Variants in LRP1B observed in about 807,000 individuals in gnomAD.
LRP1B encodes low-density lipoprotein receptor-related protein 1B.
In LRP1B, 217 loss-of-function variants were observed where a neutral mutation model predicts 556.6. The ratio of observed to expected loss-of-function variants is 0.39; its 90% CI spans 0.35 to 0.44. The LOEUF is 0.44. LRP1B is among the 20% of genes least tolerant of loss of function. LRP1B has a pLI of 1.00. For missense variants in LRP1B, 5,053 were observed against 5,620.8 expected (o/e 0.90, Z 3.23); for synonymous variants, 2,047 against 1,865.8 (o/e 1.10, Z -2.50).
intron 3 of LRP1B, among the ~76,000 whole-genome samples, chr2:141,395,149 G>C (rs11887739): frequency 4.4e-4 from 67 of 152,158 alleles, no homozygotes; most frequent in Admixed American, 1.6e-3. Context: ...TGTAGTGTAA[G>C]TGTACAGTGT....
In LRP1B at chr2:141,419,327, C is replaced by A. The variant is rs112387393; in HGVS notation, c.343+61069G>T. Among the ~76,000 whole-genome samples, 125 of 152,204 alleles carry A rather than the reference C, an allele frequency of 8.2e-4. 2 individuals are homozygous for A. Among genetic ancestry groups the A allele is most frequent in the African/African-American group, 2.9e-3 (121 of 41,550 alleles). On this transcript the variant is annotated intron_variant, in intron 3 of 90. Transcript: ENST00000389484. ...TCATAAAATGAGTTTGAAAGTTTTG[C>A]TGTGGAATCATTTGAGAAGGATCCA...
At chr2:141,052,222 A>G (rs1425709474) in intron 10 of LRP1B, among the ~76,000 whole-genome samples, 1 of 152,016 alleles carries the variant, frequency 6.6e-6, no homozygotes, top group African/African-American at 2.4e-5. Context: ...ACCTGATGTC[A>G]AGGGCATTTC....
At chr2:140,978,778 G>C (rs894673373) in intron 18 of LRP1B, among the ~76,000 whole-genome samples, 2 of 152,132 alleles carry the variant, frequency 1.3e-5, no homozygotes, top group African/African-American at 4.8e-5. Context: ...TTACTGAAGA[G>C]AGAAACATGT....
At chr2:140,823,952 G>C (rs1487391786) in intron 31 of LRP1B, among the ~76,000 whole-genome samples, 1 of 151,904 alleles carries the variant, frequency 6.6e-6, no homozygotes, top group Non-Finnish European at 1.5e-5. Flanking sequence ...AAGGTGGGAA[G>C]AGGGTAGGAG....
At chr2:141,864,395 C>T (rs772102040) in intron 1 of LRP1B, among the ~76,000 whole-genome samples, 3 of 151,956 alleles carry the variant, frequency 2.0e-5, no homozygotes, top group Non-Finnish European at 4.4e-5. Flanking sequence ...ATCACAACAC[C>T]AATATTTCTA....
At chr2:141,700,484 T>G (rs1193451961) in intron 2 of LRP1B, among the ~76,000 whole-genome samples, 1 of 151,874 alleles carries the variant, frequency 6.6e-6, no homozygotes, top group Non-Finnish European at 1.5e-5. Context: ...ACGTTTTTCA[T>G]TAGAAATGTT....
intron 3 of LRP1B, among the ~76,000 whole-genome samples, chr2:141,266,221 G>A (rs1166813868): frequency 6.6e-6 from 1 of 151,636 alleles, no homozygotes; most frequent in Admixed American, 6.6e-5. Flanking sequence ...CTATTCAAGA[G>A]GCTGAGACAG....
intron 41 of LRP1B, among the ~76,000 whole-genome samples, chr2:140,684,186 C>A (rs946969853): frequency 6.6e-6 from 1 of 152,250 alleles, no homozygotes. Context: ...CTGAATATGG[C>A]TTCTATGTAC....
At chr2:141,471,281 T>TTTTTTGTTTTTG (rs1553518975) in intron 3 of LRP1B, among the ~76,000 whole-genome samples, 6 of 81,746 alleles carry the variant, frequency 7.3e-5, no homozygotes, top group South Asian at 2.9e-4. Flanking sequence ...TTTTTTTTTT[T>TTTTTTGTTTTTG]TTTTTTTTTT....
chr2:141,244,329 T>C (rs1683992044), intron 5 of LRP1B, among the ~76,000 whole-genome samples: 1 of 152,176 alleles, frequency 6.6e-6, no homozygotes, highest in South Asian at 2.1e-4. Context: ...CACATATCCA[T>C]TGTCTTGGGC....
chr2:142,114,362 G>C (rs1487872209), intron 1 of LRP1B, among the ~76,000 whole-genome samples: 1 of 152,088 alleles, frequency 6.6e-6, no homozygotes, highest in East Asian at 1.9e-4. Flanking sequence ...AATTATTGCA[G>C]TGAATATTAA....
chr2:142,067,714 A>T (rs962512403), intron 1 of LRP1B, among the ~76,000 whole-genome samples: 2 of 151,558 alleles, frequency 1.3e-5, no homozygotes, highest in Non-Finnish European at 3.0e-5. Context: ...GGTATCTCTG[A>T]CTTATAACTT....
intron 2 of LRP1B, among the ~76,000 whole-genome samples, chr2:141,782,985 T>C (rs866341897): frequency 1.3e-5 from 2 of 152,060 alleles, no homozygotes; most frequent in Admixed American, 6.6e-5. Flanking sequence ...CAAACAATCA[T>C]AGAATCAGAG....
rs573055809 is a variant in LRP1B at position 140,250,810 on chromosome 2, T to C, written c.13248-3648A>G. 4.6e-5 allele frequency among the ~76,000 whole-genome samples: 7 copies of C among 151,792 alleles called. No individual in the cohort carries two copies. The South Asian group carries it at 1.5e-3, about 32-fold the overall frequency. On this transcript the variant is annotated intron_variant, in intron 86 of 90. Transcript: ENST00000389484. ...TTCACAAGTCACACTTCAAGAAATA[T>C]TCGAGATACATTGTTATTATTATAT...
chr2:141,079,151 T>G (rs1297707133), intron 7 of LRP1B, among the ~76,000 whole-genome samples: 1 of 152,110 alleles, frequency 6.6e-6, no homozygotes, highest in East Asian at 1.9e-4. Context: ...CATTTGCAAG[T>G]ATAAAAAACA....
intron 43 of LRP1B, among the ~76,000 whole-genome samples, chr2:140,590,977 ATTCTT>A (rs1259236500): frequency 6.6e-6 from 1 of 152,196 alleles, no homozygotes; most frequent in Non-Finnish European, 1.5e-5. Flanking sequence ...GACTTGCTGT[ATTCTT>A]TACTTTTATC....
intron 2 of LRP1B, among the ~76,000 whole-genome samples, chr2:141,790,068 T>C (rs1057408142): frequency 6.6e-6 from 1 of 151,908 alleles, no homozygotes; most frequent in African/African-American, 2.4e-5. Context: ...CTCCTACTGC[T>C]TGTTCAGATT....
intron 2 of LRP1B, among the ~76,000 whole-genome samples, chr2:141,510,234 A>ACACAC (rs767916859): frequency 1.9e-4 from 28 of 145,376 alleles, no homozygotes; most frequent in Middle Eastern, 3.6e-3. Context: ...ACACACACAC[A>ACACAC]CCCCCCACAG....
intron 3 of LRP1B, among the ~76,000 whole-genome samples, chr2:141,399,627 G>C (rs1306168429): frequency 6.6e-6 from 1 of 152,162 alleles, no homozygotes; most frequent in Non-Finnish European, 1.5e-5. Flanking sequence ...TTGCAAGCAA[G>C]TAAGCAAGAA....
Sources: gnomAD v4.1 joint callset for allele counts (sites outside exome capture counted in the v4.1 genomes callset) on GRCh38, gnomAD v4.1.1 for gene constraint, MANE v1.5 for transcripts, NCBI Gene and HGNC (gene_info 2026-07-23, HGNC 2026-07-21) for gene names.